The following TSPAN2 variants were observed in gnomAD, a reference collection of about 807,000 sequenced individuals.
The protein encoded by TSPAN2 is tetraspanin-2.
In TSPAN2, 24 loss-of-function variants were observed where a neutral mutation model predicts 33.3. That is an observed-to-expected ratio of 0.72 (90% CI 0.52 to 1.01). The LOEUF is 1.01. Ranked by LOEUF, TSPAN2 falls within the 50% of genes least tolerant of loss-of-function variation. The pLI, the probability that TSPAN2 is intolerant of heterozygous loss-of-function variation, is 0.00. For missense variants in TSPAN2, 278 were observed against 281.3 expected (o/e 0.99, Z 0.08); for synonymous variants, 114 against 104.5 (o/e 1.09, Z -0.56).
In TSPAN2 at chr1:115,053,461, TTC is replaced by T; in HGVS notation, c.517-1_517del. 1 of 1,613,652 alleles carries T rather than the reference TTC, an allele frequency of 6.2e-7. No homozygotes were observed. Among genetic ancestry groups the T allele is most frequent in the Non-Finnish European group, 8.5e-7 (1 of 1,179,704 alleles). ...TATGGTCTCAATTTCATCGATGCAA[TTC>T]TGTTTTGAGGAAAAAAAGTCGGGAA... is the stretch of plus-strand genomic sequence containing the variant. On this transcript the variant is annotated splice_acceptor_variant and coding_sequence_variant, in exon 7 of 8. Transcript: ENST00000369516. LOFTEE classifies it high-confidence loss of function.
At chr1:115,069,342 A>T (rs1648073855) in intron 2 of TSPAN2, among the ~76,000 whole-genome samples, 1 of 152,242 alleles carries the variant, frequency 6.6e-6, no homozygotes, top group South Asian at 2.1e-4. Flanking sequence ...GGTGGGCATG[A>T]AGCCCAGGCA....
intron 3 of TSPAN2, 53 bp downstream of exon 3, chr1:115,062,082 T>C (rs1466630983): frequency 1.4e-6 from 2 of 1,435,026 alleles, no homozygotes; most frequent in Non-Finnish European, 1.9e-6. Flanking sequence ...TCCCTTCAGA[T>C]GCAGGCCGCT....
chr1:115,066,328 A>G (rs1442542101), intron 2 of TSPAN2, among the ~76,000 whole-genome samples: 1 of 152,236 alleles, frequency 6.6e-6, no homozygotes, highest in Non-Finnish European at 1.5e-5. Context: ...ACTGTTCTCC[A>G]TAGTGGCTGT....
intron 1 of TSPAN2, among the ~76,000 whole-genome samples, chr1:115,074,579 T>G (rs1286363): frequency 0.72 from 109,564 of 152,122 alleles, 39,674 homozygotes; most frequent in South Asian, 0.8. Context: ...GGGTGGCATG[T>G]CATGGAAACA....
chr1:115,060,646 A>G (rs1040689249), intron 3 of TSPAN2, 108 bp from the exon 4 acceptor site: 7 of 677,006 alleles, frequency 1.0e-5, no homozygotes, highest in South Asian at 7.9e-5. Flanking sequence ...CATGTGGTTC[A>G]TTCATTCATT....
intron 1 of TSPAN2, among the ~76,000 whole-genome samples, chr1:115,084,252 G>A (rs910127766): frequency 6.6e-6 from 1 of 152,126 alleles, no homozygotes; most frequent in Non-Finnish European, 1.5e-5. Context: ...CATTTTATGT[G>A]CACAAAGTTC....
At chr1:115,062,716 C>G (rs1005360206) in intron 2 of TSPAN2, among the ~76,000 whole-genome samples, 1 of 152,224 alleles carries the variant, frequency 6.6e-6, no homozygotes, top group African/African-American at 2.4e-5. Context: ...TTAATGGTCT[C>G]TATTTCATTT....
At position 115,089,476 on chromosome 1, in the gene TSPAN2, A is replaced by AC. The variant is rs1648975679; in HGVS notation, c.-45dup. 2 of 1,342,390 alleles carry AC rather than the reference A, an allele frequency of 1.5e-6. No homozygotes were observed. The highest frequency in any genetic ancestry group is 1.9e-6 in the Non-Finnish European group (2 of 1,030,000). 83.2% of individuals were successfully genotyped at this position (1,342,390 alleles called of 1,614,324 possible). Reference sequence around the variant, plus strand: ...GATCCCCAGTCCCCAGGCCCGCGCTACGAGCGCGGGGAGCGGCAGGCTCCG... The same window carrying AC: ...GATCCCCAGTCCCCAGGCCCGCGCTACCGAGCGCGGGGAGCGGCAGGCTCCG... On this transcript the variant is annotated 5_prime_UTR_variant, in exon 1 of 8. Coordinates refer to ENST00000369516, the MANE Select transcript of TSPAN2 (RefSeq NM_005725.6).
Position 115,049,535 on chromosome 1 carries a change from C to T in TSPAN2, c.*955G>A, listed in dbSNP as rs1298802065. On this transcript the variant is annotated 3_prime_UTR_variant, in exon 8 of 8. Transcript: ENST00000369516. Reference sequence around the variant, plus strand: ...TATGAGGTATTTCATAGATACAGTGCCCATACAAATTCTCTTTCCCACAAT... The same window carrying T: ...TATGAGGTATTTCATAGATACAGTGTCCATACAAATTCTCTTTCCCACAAT... The T allele has an allele frequency of 6.6e-6, 1 of 152,470 alleles. No individual in the cohort carries two copies. The highest frequency in any genetic ancestry group is 1.5e-5 in the Non-Finnish European group (1 of 67,966). 9.4% of individuals were successfully genotyped at this position (152,470 alleles called of 1,614,324 possible).
intron 1 of TSPAN2, among the ~76,000 whole-genome samples, chr1:115,074,973 GAC>G (rs1648345408): frequency 6.6e-6 from 1 of 152,142 alleles, no homozygotes; most frequent in East Asian, 1.9e-4. Context: ...TCAATGGAAA[GAC>G]AGAGTTTCCA....
rs531447450 is a variant in TSPAN2 at position 115,050,066 on chromosome 1, A to G, written c.*424T>C. 1 of 228,564 alleles carries G rather than the reference A, an allele frequency of 4.4e-6. No homozygotes were observed. The highest frequency in any genetic ancestry group is 2.4e-5 in the African/African-American group (1 of 42,030). The allele number at this position is 228,564 out of a possible 1,614,324, so 14.2% of individuals were successfully genotyped here. Reference sequence around the variant, plus strand: ...TACTTCCATTAAGAAGAAATCTCTGAATTCTCTGCATCTAATTTTCAATGG... The same window carrying G: ...TACTTCCATTAAGAAGAAATCTCTGGATTCTCTGCATCTAATTTTCAATGG... On this transcript the variant is annotated 3_prime_UTR_variant, in exon 8 of 8. Coordinates refer to ENST00000369516, the MANE Select transcript of TSPAN2 (RefSeq NM_005725.6).
chr1:115,068,693 C>G (rs1439761411), intron 2 of TSPAN2, among the ~76,000 whole-genome samples: 1 of 152,208 alleles, frequency 6.6e-6, no homozygotes, highest in African/African-American at 2.4e-5. Flanking sequence ...AATCCATAAA[C>G]AGCATCCTAG....
chr1:115,059,198 G>A (rs1165922246), intron 4 of TSPAN2, among the ~76,000 whole-genome samples: 2 of 152,002 alleles, frequency 1.3e-5, no homozygotes, highest in African/African-American at 4.8e-5. Flanking sequence ...CGGGTGATGG[G>A]TGCACCAAAA....
Position 115,048,194 on chromosome 1 carries a change from C to T in TSPAN2, c.*2296G>A, listed in dbSNP as rs926351760. 6.7e-6 allele frequency: 1 copy of T among 149,984 alleles called. No homozygotes were observed. The highest frequency in any genetic ancestry group is 2.4e-5 in the African/African-American group (1 of 40,956). 9.3% of individuals were successfully genotyped at this position (149,984 alleles called of 1,614,324 possible). A position where few individuals can be genotyped will look rare whatever the true frequency, so the allele number is the denominator to read the frequency against. ...GTATGTATATATATATATACACACACATCTGTATATACATACATGTATATA... is the reference window on the plus strand; with the variant it reads ...GTATGTATATATATATATACACACATATCTGTATATACATACATGTATATA... On this transcript the variant is annotated 3_prime_UTR_variant, in exon 8 of 8. Coordinates refer to ENST00000369516, the MANE Select transcript of TSPAN2 (RefSeq NM_005725.6).
At chr1:115,062,256 A>G (rs1449402332) in intron 2 of TSPAN2, 24 bp from the exon 3 acceptor site, 1 of 1,559,746 alleles carries the variant, frequency 6.4e-7, no homozygotes, top group Non-Finnish European at 8.7e-7. Flanking sequence ...GTCAGAGGAG[A>G]CCACTGAGAG....
At chr1:115,051,896 C>G (rs933449633) in intron 7 of TSPAN2, among the ~76,000 whole-genome samples, 5 of 152,160 alleles carry the variant, frequency 3.3e-5, no homozygotes, top group Admixed American at 3.3e-4. Flanking sequence ...AACGAAGAAA[C>G]CTGGGGGTGC....
rs759585795 is a variant in TSPAN2, at chr1:115,057,537, C to A, written c.516G>T (p.Lys172Asn). Reference protein sequence around the residue: ...PTCPKELLGHKNCIDEIETII... With the variant: ...PTCPKELLGHNNCIDEIETII... The stretch of plus-strand genomic sequence containing the variant: ...AGTAAGAACCTTGGTAGAAGCTTAC[C>A]TTGTGTCCTAGAAGCTCCTTTGGGC... Residue 172 changes from lysine to asparagine, a missense_variant and splice_region_variant, in exon 6 of 8, where the codon AAG becomes AAT. Physicochemically the swap from Lys to Asn is moderately conservative, Grantham distance 94. Coordinates refer to ENST00000369516, the MANE Select transcript of TSPAN2 (RefSeq NM_005725.6). 1 of 1,614,024 alleles carries A rather than the reference C, an allele frequency of 6.2e-7. No homozygotes were observed. The highest frequency in any genetic ancestry group is 1.1e-5 in the South Asian group (1 of 91,072).
At position 115,062,189 on chromosome 1, in the gene TSPAN2, C is replaced by A; in HGVS notation, c.216G>T (p.Val72=). ...LVGAGALMMA[V]GFFGCCGAMR... Reference sequence around the variant, plus strand: ...TGGCTCCGCAGCACCCGAAGAACCCCACGGCCATCATCAGGGCCCCGGCTC... The same window carrying A: ...TGGCTCCGCAGCACCCGAAGAACCCAACGGCCATCATCAGGGCCCCGGCTC... The change falls in exon 3 of 8, where the codon GTG becomes GTT. Residue 72 remains valine (V), a synonymous_variant. Transcript: ENST00000369516. The A allele has an allele frequency of 6.2e-7, 1 of 1,601,542 alleles. No individual in the cohort carries two copies.
At chr1:115,068,210 G>C (rs1570974976) in intron 2 of TSPAN2, among the ~76,000 whole-genome samples, 1 of 152,298 alleles carries the variant, frequency 6.6e-6, no homozygotes, top group East Asian at 1.9e-4. Flanking sequence ...ATTTCCCACA[G>C]CTGGATCCTC....
Sources: allele counts gnomAD v4.1 joint callset (sites outside exome capture counted in the v4.1 genomes callset), GRCh38; gene constraint gnomAD v4.1.1; transcripts MANE v1.5; gene names NCBI Gene and HGNC (gene_info 2026-07-23, HGNC 2026-07-21).